RASGRF2: variants seen among roughly 807,000 people sequenced by gnomAD.
The protein encoded by RASGRF2 is Ras protein specific guanine nucleotide releasing factor 2.
A neutral mutation model predicts 151.0 loss-of-function variants in RASGRF2; 76 were observed. That is an observed-to-expected ratio of 0.50 (90% CI 0.42 to 0.61). RASGRF2 has a LOEUF of 0.61. Ranked by LOEUF, RASGRF2 falls within the 20% of genes least tolerant of loss-of-function variation. The probability of loss-of-function intolerance (pLI) is 0.00; values close to 1 mark genes in which losing one functional copy is unlikely to be tolerated. For synonymous variants in RASGRF2, 504 were observed against 566.5 expected, an observed-to-expected ratio of 0.89 and a Z score of 1.57; for missense variants, 1,148 against 1,564.6, an observed-to-expected ratio of 0.73 and a Z score of 4.49.
In RASGRF2 at chr5:81,212,452, G is replaced by A. The variant is rs764661584; in HGVS notation, c.3243G>A (p.Ala1081=). Residue 1081 remains alanine (A), a synonymous_variant, in exon 23 of 27, where the codon GCG becomes GCA. Coordinates refer to ENST00000265080, the MANE Select transcript of RASGRF2 (RefSeq NM_006909.3). The part of the protein sequence containing the change: ...ANAIEKWVAV[A]DICRCLHNYN... ...CCATCGAGAAATGGGTGGCAGTGGC[G>A]GACATCTGCCGATGCCTGCACAACT... The A allele has an allele frequency of 6.2e-6, 10 of 1,613,746 alleles. No homozygotes were observed. Among genetic ancestry groups the A allele is most frequent in the East Asian group, 2.2e-5 (1 of 44,868 alleles).
At chr5:81,112,093 A>T (rs1452882444) in intron 13 of RASGRF2, among the ~76,000 whole-genome samples, 4 of 152,172 alleles carry the variant, frequency 2.6e-5, no homozygotes, top group African/African-American at 7.2e-5. Context: ...CTCCTCCATT[A>T]TTAATTCTGG....
At chr5:81,134,988 G>A (rs866455251) in intron 17 of RASGRF2, among the ~76,000 whole-genome samples, 5 of 151,752 alleles carry the variant, frequency 3.3e-5, no homozygotes, top group African/African-American at 7.2e-5. Context: ...TATAATTCAC[G>A]TACCATACAA....
At chr5:81,134,079 C>CGTGTGTGTGTGTGTGTGT (rs139770057) in intron 17 of RASGRF2, among the ~76,000 whole-genome samples, 1 of 143,702 alleles carries the variant, frequency 7.0e-6, no homozygotes, top group Non-Finnish European at 1.5e-5. Context: ...TGCTTGTGTG[C>CGTGTGTGTGTGTGTGTGT]GTGTGTGTGT....
At chr5:81,008,138 C>CATTT in intron 1 of RASGRF2, among the ~76,000 whole-genome samples, 1 of 106,024 alleles carries the variant, frequency 9.4e-6, no homozygotes, top group South Asian at 3.1e-4. Flanking sequence ...TTCTTTCTTT[C>CATTT]CTTTTTTTTT....
chr5:81,082,023 A>G (rs1364988139), intron 7 of RASGRF2, among the ~76,000 whole-genome samples: 1 of 152,168 alleles, frequency 6.6e-6, no homozygotes, highest in Admixed American at 6.5e-5. Flanking sequence ...CATTCTTCTG[A>G]GATTCTATGT....
At chr5:81,027,392 T>C (rs1284184786) in intron 1 of RASGRF2, among the ~76,000 whole-genome samples, 3 of 152,230 alleles carry the variant, frequency 2.0e-5, no homozygotes, top group African/African-American at 7.2e-5. Flanking sequence ...AACCAAATAC[T>C]GTTCTAGAAT....
At chr5:81,207,665 T>G (rs1438479599) in intron 21 of RASGRF2, among the ~76,000 whole-genome samples, 1 of 152,244 alleles carries the variant, frequency 6.6e-6, no homozygotes, top group Non-Finnish European at 1.5e-5. Flanking sequence ...CCTTGTTTCT[T>G]GCTGTGTCTG....
At chr5:81,211,804 C>T (rs1361470671) in intron 22 of RASGRF2, among the ~76,000 whole-genome samples, 1 of 152,170 alleles carries the variant, frequency 6.6e-6, no homozygotes, top group African/African-American at 2.4e-5. Flanking sequence ...ACTATAGGTC[C>T]TTTTAACTGC....
chr5:81,010,507 T>G (rs563418627), intron 1 of RASGRF2, among the ~76,000 whole-genome samples: 2 of 152,104 alleles, frequency 1.3e-5, no homozygotes, highest in Admixed American at 6.5e-5. Context: ...TCGAGAGAAG[T>G]TTTGCTTTTT....
intron 1 of RASGRF2, among the ~76,000 whole-genome samples, chr5:80,963,198 C>G (rs1747618617): frequency 6.6e-6 from 1 of 152,200 alleles, no homozygotes; most frequent in Non-Finnish European, 1.5e-5. Context: ...ATTTATGTTG[C>G]TGAGGTGCTT....
intron 1 of RASGRF2, among the ~76,000 whole-genome samples, chr5:80,986,854 C>T (rs1170024371): frequency 6.6e-6 from 1 of 152,156 alleles, no homozygotes; most frequent in Non-Finnish European, 1.5e-5. Flanking sequence ...ATGTTATTTT[C>T]CTGCTTAATA....
chr5:81,021,124 A>G (rs745904448), intron 1 of RASGRF2, among the ~76,000 whole-genome samples: 12 of 152,322 alleles, frequency 7.9e-5, no homozygotes, highest in Non-Finnish European at 1.5e-4. Flanking sequence ...AAATGAAAAC[A>G]TGGAGAATGG....
chr5:81,000,043 G>T lies in RASGRF2; in HGVS notation c.288+39017G>T, dbSNP rs144573057. On this transcript the variant is annotated intron_variant, in intron 1 of 26. Transcript: ENST00000265080. The stretch of plus-strand genomic sequence containing the variant: ...GGCTGGAGTGGCTGGGGCTGGAGTA[G>T]CTCGACTGGGAATGGCCAGGATTGC... Among the ~76,000 whole-genome samples, 72 of 152,252 alleles carry T rather than the reference G, an allele frequency of 4.7e-4. 1 individual carries two copies. The highest frequency in any genetic ancestry group is 1.8e-4 in the Non-Finnish European group (12 of 68,014).
At chr5:81,100,524 C>T (rs1752672473) in intron 12 of RASGRF2, among the ~76,000 whole-genome samples, 1 of 152,196 alleles carries the variant, frequency 6.6e-6, no homozygotes, top group Admixed American at 6.5e-5. Flanking sequence ...CTAATGGTCT[C>T]AACCAATAAT....
intron 2 of RASGRF2, among the ~76,000 whole-genome samples, chr5:81,067,440 T>A (rs527597066): frequency 1.4e-4 from 21 of 152,312 alleles, no homozygotes; most frequent in African/African-American, 4.8e-4. Flanking sequence ...GCCCAAATAA[T>A]CTAAACTTAA....
intron 9 of RASGRF2, among the ~76,000 whole-genome samples, chr5:81,089,139 T>G (rs1026641451): frequency 2.0e-5 from 3 of 152,240 alleles, no homozygotes; most frequent in Non-Finnish European, 4.4e-5. Flanking sequence ...TTGTTTTGCT[T>G]TGGTTACTCC....
chr5:81,026,877 G>C (rs1485469146), intron 1 of RASGRF2, among the ~76,000 whole-genome samples: 1 of 152,124 alleles, frequency 6.6e-6, no homozygotes, highest in East Asian at 1.9e-4. Flanking sequence ...TTTAATAAAA[G>C]ACAGGTCAAA....
chr5:81,207,982 C>T (rs1162309836), intron 21 of RASGRF2, among the ~76,000 whole-genome samples: 1 of 152,246 alleles, frequency 6.6e-6, no homozygotes, highest in Non-Finnish European at 1.5e-5. Context: ...TCTGCTAAGG[C>T]TTAATGTTTT....
chr5:81,110,752 G>T (rs1182549798), intron 13 of RASGRF2, among the ~76,000 whole-genome samples: 1 of 152,164 alleles, frequency 6.6e-6, no homozygotes, highest in African/African-American at 2.4e-5. Context: ...TCTGGACAGG[G>T]TGATGAATTC....
Sources: gnomAD v4.1 joint callset for allele counts (sites outside exome capture counted in the v4.1 genomes callset) on GRCh38, gnomAD v4.1.1 for gene constraint, MANE v1.5 for transcripts, NCBI Gene and HGNC (gene_info 2026-07-23, HGNC 2026-07-21) for gene names.